The following DYNLL1 variants were observed in gnomAD, a reference collection of about 807,000 sequenced individuals.
The protein encoded by DYNLL1 is dynein light chain 1, cytoplasmic.
A neutral mutation model predicts 10.1 loss-of-function variants in DYNLL1; 3 were observed. The observed-to-expected ratio is 0.30, with a 90% CI of 0.14 to 0.77. The LOEUF is 0.77. Ranked by LOEUF, DYNLL1 falls within the 30% of genes least tolerant of loss-of-function variation. DYNLL1 has a pLI of 0.66. For synonymous variants in DYNLL1, 46 were observed against 41.2 expected, an observed-to-expected ratio of 1.12 and a Z score of -0.45; for missense variants, 47 against 111.7, an observed-to-expected ratio of 0.42 and a Z score of 2.61.
At chr12:120,497,793 T>A in intron 2 of DYNLL1, 1 of 386,666 alleles carries the variant, frequency 2.6e-6, no homozygotes, top group Non-Finnish European at 4.7e-6. Flanking sequence ...ATAGAAGGTA[T>A]GAAGGTGTAA....
chr12:120,472,487 A>C (rs1384034567), intron 1 of DYNLL1, among the ~76,000 whole-genome samples: 2 of 152,152 alleles, frequency 1.3e-5, no homozygotes, highest in Non-Finnish European at 2.9e-5. Context: ...TAGGCATCCG[A>C]AAGTCCAGAT....
chr12:120,496,628 G>A, intron 2 of DYNLL1, 75 bp downstream of exon 2: 1 of 1,612,614 alleles, frequency 6.2e-7, no homozygotes, highest in Non-Finnish European at 8.5e-7. Flanking sequence ...TTTCCTAAGG[G>A]CGCCTGACAG....
upstream of DYNLL1, chr12:120,493,860 C>T (rs944781861): frequency 1.3e-5 from 2 of 151,294 alleles, no homozygotes; most frequent in African/African-American, 4.9e-5. Flanking sequence ...ACCTCGTGAT[C>T]CGCCTGCCTC....
At chr12:120,471,350 T>A (rs1293460149) in intron 1 of DYNLL1, among the ~76,000 whole-genome samples, 4 of 152,078 alleles carry the variant, frequency 2.6e-5, no homozygotes, top group African/African-American at 4.8e-5. Context: ...TCCTCCAGCC[T>A]GGGTGACAGA....
At chr12:120,480,608 T>C (rs953753209) in intron 1 of DYNLL1, among the ~76,000 whole-genome samples, 2 of 152,130 alleles carry the variant, frequency 1.3e-5, no homozygotes, top group Non-Finnish European at 2.9e-5. Flanking sequence ...GCCTCCCGAG[T>C]CTTTGCCTGG....
At chr12:120,490,625 T>C (rs1879103290) in intron 1 of DYNLL1, 1 of 152,190 alleles carries the variant, frequency 6.6e-6, no homozygotes, top group Non-Finnish European at 1.5e-5. Flanking sequence ...TTTAGGGTGG[T>C]GCTTTTCAAC....
At chr12:120,492,201 A>G (rs1410859724), upstream of DYNLL1, 3 of 152,238 alleles carry the variant, frequency 2.0e-5, no homozygotes, top group African/African-American at 7.2e-5. The surrounding 1 kb of genome is among the most constrained non-coding windows in gnomAD (Gnocchi z 4.1). Context: ...GTACATGGTA[A>G]GGTCTCAATA....
At chr12:120,487,697 C>T (rs1879029660) in intron 1 of DYNLL1, among the ~76,000 whole-genome samples, 1 of 152,108 alleles carries the variant, frequency 6.6e-6, no homozygotes. Context: ...AGAGGCAGGA[C>T]AAACTCAGGA....
At chr12:120,470,467 G>T (rs947544354) in intron 1 of DYNLL1, among the ~76,000 whole-genome samples, 13 of 152,050 alleles carry the variant, frequency 8.5e-5, no homozygotes, top group Admixed American at 7.9e-4. Flanking sequence ...TGCACCAGAA[G>T]ACTTTTTGTT....
chr12:120,482,030 T>C lies in DYNLL1; in HGVS notation c.-7+11926T>C, dbSNP rs1030683387. ...CGCTTGGCCTTCTCTTGTTAATATA[T>C]CTTTCGTCTGTTTAATTCACAGGTC... On this transcript the variant is annotated intron_variant, in intron 1 of 2. Coordinates refer to the DYNLL1 transcript ENST00000392509. Among the ~76,000 whole-genome samples the C allele has an allele frequency of 3.9e-5, 6 of 152,220 alleles. No homozygotes were observed. In the East Asian group the frequency reaches 5.8e-4, roughly 15 times the overall value.
chr12:120,478,758 C>T (rs2137059250), intron 1 of DYNLL1, among the ~76,000 whole-genome samples: 1 of 150,910 alleles, frequency 6.6e-6, no homozygotes, highest in East Asian at 2.1e-4. Context: ...CAATCTTGCT[C>T]ACTGCAACCT....
At chr12:120,484,824 C>A (rs942028289) in intron 1 of DYNLL1, among the ~76,000 whole-genome samples, 1 of 151,912 alleles carries the variant, frequency 6.6e-6, no homozygotes, top group African/African-American at 2.4e-5. Context: ...CTGCAACCTC[C>A]GCTTTGCTTC....
At chr12:120,482,754 T>C (rs1038961864) in intron 1 of DYNLL1, among the ~76,000 whole-genome samples, 1 of 151,696 alleles carries the variant, frequency 6.6e-6, no homozygotes, top group African/African-American at 2.4e-5. Flanking sequence ...AGTTACAGTA[T>C]TCAAAGTAGG....
At chr12:120,495,367 A>G (rs1273179869), upstream of DYNLL1, 1 of 152,108 alleles carries the variant, frequency 6.6e-6, no homozygotes, top group Non-Finnish European at 1.5e-5. Context: ...CCGGATCCCC[A>G]TCCCCAACCC....
rs374987411 is a variant in DYNLL1, at chr12:120,496,275, C to A, written c.-7+59C>A. On this transcript the variant is annotated intron_variant, in intron 1 of 2. Coordinates refer to ENST00000242577, the MANE Select transcript of DYNLL1 (RefSeq NM_003746.3). Reference sequence around the variant, plus strand: ...CTGCCTTATTTCGCCCCACTCCGGACTTAGCCCTCCGCGTAGCCCGCGCTT... The same window carrying A: ...CTGCCTTATTTCGCCCCACTCCGGAATTAGCCCTCCGCGTAGCCCGCGCTT... The A allele has an allele frequency of 3.2e-5, 41 of 1,290,858 alleles. No individual in the cohort carries two copies. In the African/African-American group the frequency reaches 5.2e-4, roughly 16 times the overall value. 80.0% of individuals were successfully genotyped at this position (1,290,858 alleles called of 1,614,324 possible).
intron 1 of DYNLL1, among the ~76,000 whole-genome samples, chr12:120,484,206 T>C (rs1398554467): frequency 3.3e-5 from 5 of 151,884 alleles, no homozygotes; most frequent in Non-Finnish European, 7.4e-5. Flanking sequence ...CAGGGGAAAC[T>C]GATGATGCAG....
At chr12:120,475,827 C>T (rs1395608845) in intron 1 of DYNLL1, among the ~76,000 whole-genome samples, 1 of 152,172 alleles carries the variant, frequency 6.6e-6, no homozygotes, top group African/African-American at 2.4e-5. Context: ...CTTCCCTTTA[C>T]AGCCCTATGG....
At chr12:120,477,298 G>T (rs1329506316) in intron 1 of DYNLL1, among the ~76,000 whole-genome samples, 1 of 152,108 alleles carries the variant, frequency 6.6e-6, no homozygotes, top group Non-Finnish European at 1.5e-5. Flanking sequence ...TATGTACATG[G>T]CATCTGGGAC....
chr12:120,471,069 A>G (rs527447998), intron 1 of DYNLL1, among the ~76,000 whole-genome samples: 22 of 151,580 alleles, frequency 1.5e-4, no homozygotes, highest in Non-Finnish European at 2.8e-4. Context: ...TTTTCATATT[A>G]AAAATGAAAC....
Sources: gnomAD v4.1 joint callset for allele counts (sites outside exome capture counted in the v4.1 genomes callset) on GRCh38, gnomAD v4.1.1 for gene constraint, Gnocchi (gnomAD v3.1) non-coding constraint, MANE v1.5 for transcripts, NCBI Gene and HGNC (gene_info 2026-07-23, HGNC 2026-07-21) for gene names.